RAB8B: variants seen among roughly 807,000 people sequenced by gnomAD.
The protein encoded by RAB8B is ras-related protein Rab-8B.
Under a neutral mutation model 32.0 loss-of-function variants are expected in RAB8B, and 11 were observed. The observed-to-expected ratio is 0.34, with a 90% confidence interval of 0.22 to 0.57. RAB8B has a LOEUF of 0.57. RAB8B is among the 20% of genes least tolerant of loss of function. The pLI is 0.86. For synonymous variants in RAB8B, 103 were observed against 89.6 expected, an observed-to-expected ratio of 1.15 and a Z score of -0.85; for missense variants, 190 against 258.5, an observed-to-expected ratio of 0.73 and a Z score of 1.82.
At chr15:63,202,241 G>A (rs1297188287) in intron 1 of RAB8B, among the ~76,000 whole-genome samples, 1 of 151,178 alleles carries the variant, frequency 6.6e-6, no homozygotes, top group Non-Finnish European at 1.5e-5. Context: ...TCGCGCCACT[G>A]CACTCCAGCC....
chr15:63,231,568 C>G (rs928228704), intron 1 of RAB8B, among the ~76,000 whole-genome samples: 2 of 150,778 alleles, frequency 1.3e-5, no homozygotes, highest in Non-Finnish European at 2.9e-5. Flanking sequence ...TGAAACAGAT[C>G]TGACTCAGTT....
chr15:63,191,778 C>T (rs2729793), intron 1 of RAB8B, among the ~76,000 whole-genome samples: 46,012 of 152,080 alleles, frequency 0.3, 7,509 homozygotes, highest in Admixed American at 0.41. Flanking sequence ...GCTTCTTGGA[C>T]GACTTGCTTG....
intron 1 of RAB8B, among the ~76,000 whole-genome samples, chr15:63,230,044 G>A (rs2037923380): frequency 6.7e-6 from 1 of 149,492 alleles, no homozygotes; most frequent in Non-Finnish European, 1.5e-5. Flanking sequence ...TATGCCATTT[G>A]TGCCAAAATG....
chr15:63,191,999 CAG>C (rs1302946025), intron 1 of RAB8B, among the ~76,000 whole-genome samples: 2 of 152,110 alleles, frequency 1.3e-5, no homozygotes, highest in African/African-American at 2.4e-5. Context: ...TGTCCTGAAA[CAG>C]ATTAGAATAG....
chr15:63,206,779 G>A (rs1244965553), intron 1 of RAB8B, among the ~76,000 whole-genome samples: 2 of 151,740 alleles, frequency 1.3e-5, no homozygotes, highest in African/African-American at 4.8e-5. Context: ...CTCCTTCCTT[G>A]TTCCTTAATT....
rs1425205942 is a variant in RAB8B, at chr15:63,256,584, G to A, written c.404G>A (p.Arg135Lys). ...GACAAAAGACAAGTGTCAAAAGAAA[G>A]AGGGGAGAAGGTAAATGTGAATGGA... is the stretch of plus-strand genomic sequence containing the variant. ...MNDKRQVSKE[R>K]GEKLAIDYGI... The change falls in exon 5 of 8, where the codon AGA becomes AAA. Residue 135 changes from arginine (R) to lysine (K), a missense_variant. Physicochemically the swap from Arg to Lys is conservative, Grantham distance 26. This residue lies in a region of RAB8B where 110 missense variants were observed against 115.9 expected (regional missense o/e 0.95). Coordinates refer to ENST00000321437, the MANE Select transcript of RAB8B (RefSeq NM_016530.3). 3 of 1,597,582 alleles carry A rather than the reference G, an allele frequency of 1.9e-6. No homozygotes were observed. The highest frequency in any genetic ancestry group is 2.6e-6 in the Non-Finnish European group (3 of 1,171,406).
chr15:63,238,377 T>C (rs1401436387), intron 1 of RAB8B, among the ~76,000 whole-genome samples: 1 of 152,104 alleles, frequency 6.6e-6, no homozygotes, highest in Non-Finnish European at 1.5e-5. Context: ...GCTGGAGGAC[T>C]CTCCTAGCAG....
At position 63,211,664 on chromosome 15, in the gene RAB8B, T is replaced by C. The variant is rs1049076291; in HGVS notation, c.124+21916T>C. Among the ~76,000 whole-genome samples, 4 of 151,664 alleles carry C rather than the reference T, an allele frequency of 2.6e-5. No individual in the cohort carries two copies. In the East Asian group the frequency reaches 5.8e-4, roughly 22 times the overall value. The stretch of plus-strand genomic sequence containing the variant: ...TAAATCCAGTCATAGTTTTGGTGGA[T>C]TTTTTTTGCCAAGCACCGCATTTTT... On this transcript the variant is annotated intron_variant, in intron 1 of 7. Transcript: ENST00000321437.
At chr15:63,241,967 C>T (rs1275063248) in intron 1 of RAB8B, among the ~76,000 whole-genome samples, 1 of 151,736 alleles carries the variant, frequency 6.6e-6, no homozygotes, top group Non-Finnish European at 1.5e-5. Context: ...CCCTGAAATG[C>T]TGAGGGAGGT....
At chr15:63,227,891 TTTTCCTTTCC>T (rs1200966490) in intron 1 of RAB8B, among the ~76,000 whole-genome samples, 1 of 152,160 alleles carries the variant, frequency 6.6e-6, no homozygotes, top group African/African-American at 2.4e-5. Context: ...CTTTTTTCTC[TTTTCCTTTCC>T]TTTCCTTTCT....
At chr15:63,228,478 G>C (rs766266871) in intron 1 of RAB8B, among the ~76,000 whole-genome samples, 6 of 152,232 alleles carry the variant, frequency 3.9e-5, no homozygotes, top group Non-Finnish European at 8.8e-5. Flanking sequence ...TGCAAATGAT[G>C]CCTTTCCTCC....
intron 5 of RAB8B, among the ~76,000 whole-genome samples, chr15:63,256,985 T>G (rs1385446634): frequency 2.0e-5 from 3 of 152,236 alleles, no homozygotes; most frequent in East Asian, 3.8e-4. Context: ...GGAATCATTT[T>G]CCAATTCATT....
chr15:63,240,062 A>G (rs1214628399), intron 1 of RAB8B, among the ~76,000 whole-genome samples: 1 of 152,106 alleles, frequency 6.6e-6, no homozygotes, highest in African/African-American at 2.4e-5. Flanking sequence ...TGAGAGAAGC[A>G]AAAGGCCTCA....
At chr15:63,210,816 G>A (rs2037740902) in intron 1 of RAB8B, among the ~76,000 whole-genome samples, 1 of 152,136 alleles carries the variant, frequency 6.6e-6, no homozygotes, top group Non-Finnish European at 1.5e-5. Flanking sequence ...GGTTTTTATT[G>A]AGTGGCTGGT....
At chr15:63,218,698 C>T (rs1046719489) in intron 1 of RAB8B, among the ~76,000 whole-genome samples, 6 of 152,144 alleles carry the variant, frequency 3.9e-5, no homozygotes, top group African/African-American at 1.2e-4. Flanking sequence ...TGTTTCTTGG[C>T]CTTAGGCTGA....
rs199704814 is a variant in RAB8B, at chr15:63,246,395, A to AC, written c.185+1585dup. Among the ~76,000 whole-genome samples the AC allele has an allele frequency of 6.7e-4, 102 of 151,650 alleles. 1 individual carries two copies. In the East Asian group the frequency reaches 0.014, roughly 21 times the overall value. ...CTGGCTATAAATTGGGGTTCTGATG[A>AC]CCCCCCTCCTCTGATTCCTTTAATT... On this transcript the variant is annotated intron_variant, in intron 2 of 7. Transcript: ENST00000321437.
At chr15:63,231,028 A>C (rs1174724926) in intron 1 of RAB8B, among the ~76,000 whole-genome samples, 1 of 152,158 alleles carries the variant, frequency 6.6e-6, no homozygotes, top group Non-Finnish European at 1.5e-5. Flanking sequence ...TGGGTGGGAA[A>C]ATTACCAAAT....
intron 1 of RAB8B, among the ~76,000 whole-genome samples, chr15:63,206,025 C>T (rs2037695247): frequency 6.6e-6 from 1 of 152,210 alleles, no homozygotes. Flanking sequence ...TGCTTAGGCA[C>T]ACAGTATCTG....
chr15:63,260,978 G>T (rs140183003), intron 6 of RAB8B, among the ~76,000 whole-genome samples: 1 of 152,120 alleles, frequency 6.6e-6, no homozygotes, highest in Non-Finnish European at 1.5e-5. Flanking sequence ...TAGGTTGGCC[G>T]ATGGGTGTTA....
Sources: gnomAD v4.1 joint callset for allele counts (sites outside exome capture counted in the v4.1 genomes callset) on GRCh38, gnomAD v4.1.1 for gene constraint, gnomAD v4.1.1 regional missense constraint, MANE v1.5 for transcripts, NCBI Gene and HGNC (gene_info 2026-07-23, HGNC 2026-07-21) for gene names.